CDKAL1: variants seen among roughly 807,000 people sequenced by gnomAD.
CDKAL1 encodes threonylcarbamoyladenosine tRNA methylthiotransferase.
CDKAL1 carries 32 observed loss-of-function variants against 68.2 expected under a neutral mutation model. The observed-to-expected ratio is 0.47, with a 90% CI of 0.35 to 0.63. CDKAL1 has a LOEUF of 0.63. CDKAL1 is among the 30% of genes least tolerant of loss of function. The pLI is 0.00. For synonymous variants in CDKAL1, 234 were observed against 244.3 expected (o/e 0.96, Z 0.39); for missense variants, 606 against 696.7 (o/e 0.87, Z 1.47).
intron 9 of CDKAL1, among the ~76,000 whole-genome samples, chr6:20,873,290 C>CA (rs1760320394): frequency 6.6e-6 from 1 of 152,044 alleles, no homozygotes; most frequent in Admixed American, 6.6e-5. Context: ...GGAAGCTTAT[C>CA]AAAAATGTAG....
At chr6:20,557,224 A>G (rs1415279527) in intron 4 of CDKAL1, among the ~76,000 whole-genome samples, 1 of 152,038 alleles carries the variant, frequency 6.6e-6, no homozygotes, top group Non-Finnish European at 1.5e-5. Flanking sequence ...AATGTAACCC[A>G]GGGTTTTCTT....
intron 9 of CDKAL1, among the ~76,000 whole-genome samples, chr6:20,909,746 G>C (rs1762384046): frequency 6.6e-6 from 1 of 152,188 alleles, no homozygotes; most frequent in Admixed American, 6.5e-5. Flanking sequence ...TGAGAATGCA[G>C]AGGCAGAGGG....
intron 9 of CDKAL1, among the ~76,000 whole-genome samples, chr6:20,935,139 C>G (rs1324265918): frequency 6.6e-6 from 1 of 152,110 alleles, no homozygotes; most frequent in Non-Finnish European, 1.5e-5. Context: ...CAAGATCCGC[C>G]TGCCTTGGCC....
chr6:20,702,471 GT>G (rs1274995101), intron 5 of CDKAL1, among the ~76,000 whole-genome samples: 1 of 152,176 alleles, frequency 6.6e-6, no homozygotes, highest in Non-Finnish European at 1.5e-5. Flanking sequence ...TGAGTGCAAG[GT>G]TTAATTGAGT....
Position 20,650,334 on chromosome 6 carries a change from A to G in CDKAL1, c.371+957A>G, listed in dbSNP as rs140863216. Among the ~76,000 whole-genome samples the G allele has an allele frequency of 2.8e-4, 43 of 152,096 alleles. No individual in the cohort carries two copies. The East Asian group carries it at 7.9e-3, about 28-fold the overall frequency. On this transcript the variant is annotated intron_variant, in intron 5 of 15. Coordinates refer to ENST00000274695, the MANE Select transcript of CDKAL1 (RefSeq NM_017774.3). ...GATCAGAGATGTTGAACTTTTTTTC[A>G]TATGTTTTTTTGCTGCATAAATGTC... is the stretch of plus-strand genomic sequence containing the variant.
chr6:21,010,068 CA>C (rs973457344), intron 11 of CDKAL1, among the ~76,000 whole-genome samples: 5 of 152,224 alleles, frequency 3.3e-5, no homozygotes, highest in Admixed American at 3.3e-4. Context: ...GATCATTACG[CA>C]TTGTGTGCAT....
chr6:20,691,070 C>T lies in CDKAL1; in HGVS notation c.371+41693C>T, dbSNP rs558147116. Among the ~76,000 whole-genome samples, 8 of 152,216 alleles carry T rather than the reference C, an allele frequency of 5.3e-5. No homozygotes were observed. In the East Asian group the frequency reaches 1.4e-3, roughly 26 times the overall value. Reference sequence around the variant, plus strand: ...TACAGGTAATAGGCAATAATGACTTCGAAGGTCTTAGGGACTATGAGTAGG... The same window carrying T: ...TACAGGTAATAGGCAATAATGACTTTGAAGGTCTTAGGGACTATGAGTAGG... On this transcript the variant is annotated intron_variant, in intron 5 of 15. Coordinates refer to ENST00000274695, the MANE Select transcript of CDKAL1 (RefSeq NM_017774.3).
At chr6:20,959,867 A>G (rs1232705335) in intron 10 of CDKAL1, among the ~76,000 whole-genome samples, 1 of 152,192 alleles carries the variant, frequency 6.6e-6, no homozygotes, top group Non-Finnish European at 1.5e-5. Flanking sequence ...CCTCCTAGTG[A>G]TAGGTAGCCT....
intron 9 of CDKAL1, among the ~76,000 whole-genome samples, chr6:20,880,430 A>T (rs967834861): frequency 1.3e-5 from 2 of 151,916 alleles, no homozygotes; most frequent in African/African-American, 2.4e-5. Context: ...TAATTTTTGT[A>T]TTTTTTAGTA....
At chr6:20,705,069 A>G (rs1562039796) in intron 5 of CDKAL1, among the ~76,000 whole-genome samples, 1 of 152,222 alleles carries the variant, frequency 6.6e-6, no homozygotes, top group Non-Finnish European at 1.5e-5. Flanking sequence ...TTTAAAAGTC[A>G]GCTTTTTTGC....
At chr6:21,093,406 A>G (rs115974311) in intron 12 of CDKAL1, among the ~76,000 whole-genome samples, 1,571 of 152,336 alleles carry the variant, frequency 0.01, 24 homozygotes, top group Middle Eastern at 0.014. Context: ...AAGCTAAGAA[A>G]GAAGATACGA....
intron 12 of CDKAL1, among the ~76,000 whole-genome samples, chr6:21,095,990 G>C (rs2150977126): frequency 6.6e-6 from 1 of 152,252 alleles, no homozygotes; most frequent in South Asian, 2.1e-4. Context: ...TATCAGTGAT[G>C]GTTGCATTGC....
At chr6:21,160,503 G>A (rs1776865494) in intron 13 of CDKAL1, among the ~76,000 whole-genome samples, 2 of 150,146 alleles carry the variant, frequency 1.3e-5, no homozygotes, top group South Asian at 4.3e-4. Context: ...TCACCGTGTT[G>A]GTCAGGCTGG....
At chr6:20,971,080 C>G (rs2150754131) in intron 10 of CDKAL1, among the ~76,000 whole-genome samples, 1 of 152,330 alleles carries the variant, frequency 6.6e-6, no homozygotes, top group Admixed American at 6.5e-5. Context: ...AACTCCTGAC[C>G]TCGTGATCTG....
At chr6:21,009,314 A>G (rs1037510221) in intron 11 of CDKAL1, among the ~76,000 whole-genome samples, 1 of 152,240 alleles carries the variant, frequency 6.6e-6, no homozygotes, top group South Asian at 2.1e-4. Flanking sequence ...ATTGAAAATT[A>G]TACTACACTA....
intron 13 of CDKAL1, among the ~76,000 whole-genome samples, chr6:21,187,912 C>A (rs373590707): frequency 6.6e-6 from 1 of 152,078 alleles, no homozygotes; most frequent in African/African-American, 2.4e-5. Context: ...AGAAGCACAG[C>A]CCAGTTTCAT....
chr6:20,913,022 T>C (rs1001003599), intron 9 of CDKAL1, among the ~76,000 whole-genome samples: 2 of 149,590 alleles, frequency 1.3e-5, no homozygotes, highest in African/African-American at 4.9e-5. Context: ...CAAAAAAAAG[T>C]GTTGAGAGCA....
intron 4 of CDKAL1, among the ~76,000 whole-genome samples, chr6:20,646,793 G>A (rs1768486758): frequency 6.6e-6 from 1 of 152,134 alleles, no homozygotes; most frequent in African/African-American, 2.4e-5. Flanking sequence ...GCCCAGGCTG[G>A]AGTATGGTGG....
chr6:21,014,112 C>G (rs973839592), intron 11 of CDKAL1, among the ~76,000 whole-genome samples: 3 of 152,186 alleles, frequency 2.0e-5, no homozygotes, highest in Admixed American at 1.3e-4. Flanking sequence ...TTGAAGGTTA[C>G]TGTCTTTGAA....
Sources: gnomAD v4.1 joint callset for allele counts (sites outside exome capture counted in the v4.1 genomes callset) on GRCh38, gnomAD v4.1.1 for gene constraint, MANE v1.5 for transcripts, NCBI Gene and HGNC (gene_info 2026-07-23, HGNC 2026-07-21) for gene names.